Variants in BLTP3B observed in about 807,000 individuals in gnomAD.
The protein encoded by BLTP3B is UHRF1 (ICBP90) binding protein 1-like.
At chr12:100,109,179 TC>T in the BLTP3B span, among the ~76,000 whole-genome samples, 1 of 145,558 alleles carries the variant, frequency 6.9e-6, no homozygotes, top group Non-Finnish European at 1.5e-5. Context: ...TCTCTCTCTC[TC>T]TCTCTCTCTC....
chr12:100,109,287 C>A, the BLTP3B span, among the ~76,000 whole-genome samples: 1 of 151,728 alleles, frequency 6.6e-6, no homozygotes, highest in South Asian at 2.1e-4. Flanking sequence ...GAGGCCTCCC[C>A]AGCCATGCAG....
At chr12:100,095,844 G>A in the BLTP3B span, 3 of 1,547,436 alleles carry the variant, frequency 1.9e-6, no homozygotes, top group Non-Finnish European at 1.7e-6. Flanking sequence ...TTAACTGTAG[G>A]AAAAAAAAAT....
chr12:100,142,844 C>A, the BLTP3B span: 2 of 618,660 alleles, frequency 3.2e-6, no homozygotes, highest in Non-Finnish European at 5.2e-6. Flanking sequence ...CCGCGGGCGC[C>A]ATCTTGGCTG....
chr12:100,058,524 T>C, the BLTP3B span: 1 of 1,613,258 alleles, frequency 6.2e-7, no homozygotes, highest in Admixed American at 1.7e-5. Context: ...TCTAATTCTA[T>C]TTATATCCCT....
At chr12:100,084,025 C>A in the BLTP3B span, among the ~76,000 whole-genome samples, 1 of 152,004 alleles carries the variant, frequency 6.6e-6, no homozygotes, top group Non-Finnish European at 1.5e-5. Flanking sequence ...CCTGGTTCTA[C>A]TAAAACTCCA....
At chr12:100,089,037 G>A in the BLTP3B span, 1 of 1,610,672 alleles carries the variant, frequency 6.2e-7, no homozygotes, top group South Asian at 1.1e-5. Flanking sequence ...ATTTACATCA[G>A]GAGCATTTGA....
chr12:100,100,966 T>C, the BLTP3B span, among the ~76,000 whole-genome samples: 6 of 152,094 alleles, frequency 3.9e-5, no homozygotes, highest in African/African-American at 1.4e-4. Context: ...CATCACATGA[T>C]TAGAAAGCCA....
the BLTP3B span, chr12:100,108,647 G>A: frequency 2.1e-6 from 2 of 968,420 alleles, no homozygotes; most frequent in Non-Finnish European, 1.5e-6. Flanking sequence ...TAATAGGAGT[G>A]GACACAACAT....
the BLTP3B span, among the ~76,000 whole-genome samples, chr12:100,082,862 A>C: frequency 6.6e-6 from 1 of 152,254 alleles, no homozygotes; most frequent in Non-Finnish European, 1.5e-5. Flanking sequence ...ATAATCAAAA[A>C]TTAATAAACT....
At chr12:100,061,311 C>T in the BLTP3B span, among the ~76,000 whole-genome samples, 1 of 152,090 alleles carries the variant, frequency 6.6e-6, no homozygotes, top group African/African-American at 2.4e-5. Flanking sequence ...AGAAAGAACC[C>T]CGATAGCAGA....
At chr12:100,117,594 TCCTCCCCTGCCTCCA>T in the BLTP3B span, among the ~76,000 whole-genome samples, 16 of 151,588 alleles carry the variant, frequency 1.1e-4, no homozygotes, top group South Asian at 6.3e-4. Flanking sequence ...CCTCCTAAGA[TCCTCCCCTGCCTCCA>T]CCTCCCCTGC....
the BLTP3B span, among the ~76,000 whole-genome samples, chr12:100,066,125 C>A: frequency 6.6e-6 from 1 of 152,100 alleles, no homozygotes; most frequent in African/African-American, 2.4e-5. Flanking sequence ...CTGCTGCCTT[C>A]AAGAGACTCA....
the BLTP3B span, chr12:100,098,214 T>C: frequency 1.1e-6 from 1 of 893,616 alleles, no homozygotes; most frequent in Non-Finnish European, 1.6e-6. Flanking sequence ...TGAGACCCTG[T>C]CTCCCCGCAC....
the BLTP3B span, among the ~76,000 whole-genome samples, chr12:100,118,960 G>A: frequency 6.6e-6 from 1 of 151,998 alleles, no homozygotes; most frequent in African/African-American, 2.4e-5. Flanking sequence ...AAATTAGCTG[G>A]GCTTAGTGGC....
At chr12:100,117,149 A>C in the BLTP3B span, among the ~76,000 whole-genome samples, 1 of 152,250 alleles carries the variant, frequency 6.6e-6, no homozygotes, top group South Asian at 2.1e-4. Context: ...TAGATATTCT[A>C]GTCTCAGGGA....
At chr12:100,066,021 CTCTTTA>C in the BLTP3B span, among the ~76,000 whole-genome samples, 1 of 152,172 alleles carries the variant, frequency 6.6e-6, no homozygotes, top group Non-Finnish European at 1.5e-5. Flanking sequence ...TGTACTCTTT[CTCTTTA>C]TTTCTCAGAT....
At chr12:100,059,534 C>G in the BLTP3B span, 1 of 1,572,128 alleles carries the variant, frequency 6.4e-7, no homozygotes, top group Non-Finnish European at 8.6e-7. Flanking sequence ...GAATGACAAA[C>G]TAGAAGAGAA....
chr12:100,132,880 G>A, the BLTP3B span, among the ~76,000 whole-genome samples: 2 of 152,184 alleles, frequency 1.3e-5, no homozygotes, highest in Non-Finnish European at 2.9e-5. Flanking sequence ...CCTGAGAGGT[G>A]GAGGTTACAG....
the BLTP3B span, among the ~76,000 whole-genome samples, chr12:100,083,865 G>A: frequency 1.3e-5 from 2 of 152,140 alleles, no homozygotes; most frequent in Non-Finnish European, 2.9e-5. Context: ...TCTGAGCAAA[G>A]GATACAGGGG....
Sources: allele counts gnomAD v4.1 joint callset (sites outside exome capture counted in the v4.1 genomes callset), GRCh38; gene constraint gnomAD v4.1.1; transcripts MANE v1.5; gene names NCBI Gene and HGNC (gene_info 2026-07-23, HGNC 2026-07-21).